The following ASIC2 variants were observed in gnomAD, a reference collection of about 807,000 sequenced individuals.
The protein encoded by ASIC2 is acid sensing ion channel subunit 2.
Under a neutral mutation model 57.3 loss-of-function variants are expected in ASIC2, and 25 were observed. The ratio of observed to expected loss-of-function variants is 0.44; its 90% CI spans 0.32 to 0.61. ASIC2 has a LOEUF of 0.61. ASIC2 is among the 20% of genes least tolerant of loss of function. The pLI is 0.06. For missense variants in ASIC2, 641 were observed against 738.1 expected (o/e 0.87, Z 1.52); for synonymous variants, 319 against 307.5 (o/e 1.04, Z -0.39).
At chr17:33,325,949 G>A (rs1907061173) in intron 1 of ASIC2, among the ~76,000 whole-genome samples, 1 of 152,150 alleles carries the variant, frequency 6.6e-6, no homozygotes, top group African/African-American at 2.4e-5. Flanking sequence ...GGGAAAACAA[G>A]GAAAAGCTGA....
intron 1 of ASIC2, among the ~76,000 whole-genome samples, chr17:34,139,618 CT>C (rs2142135112): frequency 6.6e-6 from 1 of 152,144 alleles, no homozygotes; most frequent in African/African-American, 2.4e-5. Flanking sequence ...ATGATTAAAC[CT>C]TGAAAACATT....
At chr17:33,913,543 T>A (rs984404209) in intron 1 of ASIC2, among the ~76,000 whole-genome samples, 3 of 152,232 alleles carry the variant, frequency 2.0e-5, no homozygotes, top group African/African-American at 7.2e-5. Flanking sequence ...TATGATAAAC[T>A]GAATTCCAGG....
At chr17:33,377,816 T>G (rs1909335647) in intron 1 of ASIC2, among the ~76,000 whole-genome samples, 1 of 152,256 alleles carries the variant, frequency 6.6e-6, no homozygotes, top group Non-Finnish European at 1.5e-5. Context: ...CCAGTTCAGA[T>G]GCTGGCACCT....
At chr17:34,149,298 G>T (rs1260737739) in intron 1 of ASIC2, among the ~76,000 whole-genome samples, 1 of 151,366 alleles carries the variant, frequency 6.6e-6, no homozygotes, top group Non-Finnish European at 1.5e-5. Flanking sequence ...GTAGAGACTG[G>T]GTTTTACTAT....
chr17:33,242,829 T>C (rs966002892), intron 1 of ASIC2, among the ~76,000 whole-genome samples: 1 of 152,176 alleles, frequency 6.6e-6, no homozygotes, highest in Non-Finnish European at 1.5e-5. Flanking sequence ...CTTTGCTTAT[T>C]TTGTGGGGGT....
At chr17:33,656,984 C>T (rs1271834665) in intron 1 of ASIC2, among the ~76,000 whole-genome samples, 2 of 152,174 alleles carry the variant, frequency 1.3e-5, no homozygotes, top group Non-Finnish European at 2.9e-5. Flanking sequence ...GAACCTGAAG[C>T]AGATACAGAA....
intron 1 of ASIC2, among the ~76,000 whole-genome samples, chr17:33,403,308 C>T (rs1007273325): frequency 8.9e-6 from 1 of 111,866 alleles, no homozygotes; most frequent in Non-Finnish European, 2.0e-5. Context: ...GGGCACACAG[C>T]TTCTACCTCC....
chr17:34,034,932 A>C (rs1442704653), intron 1 of ASIC2, among the ~76,000 whole-genome samples: 1 of 152,126 alleles, frequency 6.6e-6, no homozygotes, highest in Non-Finnish European at 1.5e-5. Context: ...AAATGGCCAT[A>C]CTGCCCAAGG....
intron 1 of ASIC2, among the ~76,000 whole-genome samples, chr17:33,819,078 A>C (rs1327749875): frequency 6.6e-6 from 1 of 152,138 alleles, no homozygotes; most frequent in Non-Finnish European, 1.5e-5. Context: ...AAACCCAGGG[A>C]TAATGCCGTT....
chr17:33,383,637 G>T (rs1909567208), intron 1 of ASIC2, among the ~76,000 whole-genome samples: 1 of 152,184 alleles, frequency 6.6e-6, no homozygotes, highest in South Asian at 2.1e-4. Flanking sequence ...ACAGAGTCAG[G>T]TTAGCCCCCA....
At chr17:33,104,739 T>C (rs2092228510) in intron 2 of ASIC2, among the ~76,000 whole-genome samples, 1 of 152,236 alleles carries the variant, frequency 6.6e-6, no homozygotes, top group Non-Finnish European at 1.5e-5. Context: ...TGTGCTATTT[T>C]CATGGCAGGG....
chr17:33,964,680 C>T (rs1355089733), intron 1 of ASIC2, among the ~76,000 whole-genome samples: 1 of 152,232 alleles, frequency 6.6e-6, no homozygotes, highest in Non-Finnish European at 1.5e-5. Flanking sequence ...TCTGCTGCTA[C>T]ACCCCATCTG....
intron 1 of ASIC2, among the ~76,000 whole-genome samples, chr17:33,379,450 C>T (rs1909399782): frequency 1.3e-5 from 2 of 152,174 alleles, no homozygotes; most frequent in South Asian, 4.1e-4. Context: ...ACTGGTCTCC[C>T]ACATATCCAG....
At chr17:33,717,145 C>T (rs533680297) in intron 1 of ASIC2, among the ~76,000 whole-genome samples, 1 of 152,322 alleles carries the variant, frequency 6.6e-6, no homozygotes, top group Non-Finnish European at 1.5e-5. Context: ...ACCTCATTCA[C>T]ACTTCAAAAA....
chr17:33,646,825 A>C (rs1339556652), intron 1 of ASIC2, among the ~76,000 whole-genome samples: 1 of 152,102 alleles, frequency 6.6e-6, no homozygotes, highest in Non-Finnish European at 1.5e-5. Context: ...AATAGTGGAA[A>C]TGGCAGAGTG....
intron 1 of ASIC2, among the ~76,000 whole-genome samples, chr17:33,281,109 T>G (rs1339220989): frequency 6.6e-6 from 1 of 152,216 alleles, no homozygotes; most frequent in African/African-American, 2.4e-5. Context: ...CCTTACAGTC[T>G]ATTTCAAGCT....
intron 1 of ASIC2, among the ~76,000 whole-genome samples, chr17:33,856,875 C>T (rs78734908): frequency 5.3e-5 from 8 of 152,068 alleles, no homozygotes; most frequent in South Asian, 4.2e-4. Context: ...GAGGCTGAAA[C>T]GGTGGCCAGG....
At chr17:34,085,860 T>C (rs905427357) in intron 1 of ASIC2, among the ~76,000 whole-genome samples, 29 of 152,028 alleles carry the variant, frequency 1.9e-4, no homozygotes, top group Admixed American at 6.5e-4. Flanking sequence ...TGGTAGTTTG[T>C]ATTTCTGTGG....
intron 1 of ASIC2, among the ~76,000 whole-genome samples, chr17:33,732,319 A>T (rs1016013900): frequency 2.0e-5 from 3 of 152,196 alleles, no homozygotes; most frequent in African/African-American, 4.8e-5. Flanking sequence ...TTCTTCCTTC[A>T]TGTCAGGCGC....
Sources: allele counts gnomAD v4.1 joint callset (sites outside exome capture counted in the v4.1 genomes callset), GRCh38; gene constraint gnomAD v4.1.1; transcripts MANE v1.5; gene names NCBI Gene and HGNC (gene_info 2026-07-23, HGNC 2026-07-21).